Variants in ZNF69 observed in about 807,000 individuals in gnomAD.
The protein encoded by ZNF69 is ZNF3.
ZNF69 carries 47 observed loss-of-function variants against 50.9 expected under a neutral mutation model. That is an observed-to-expected ratio of 0.92 (90% CI 0.73 to 1.18). The LOEUF is 1.18. Ranked by LOEUF, ZNF69 falls within the 50% of genes most tolerant of loss-of-function variation. ZNF69 has a pLI of 0.00. For missense variants in ZNF69, 717 were observed against 675.1 expected (o/e 1.06, Z -0.69); for synonymous variants, 216 against 223.1 (o/e 0.97, Z 0.29).
At chr19:11,938,170 A>T in the ZNF69 span, among the ~76,000 whole-genome samples, 1 of 151,538 alleles carries the variant, frequency 6.6e-6, no homozygotes, top group African/African-American at 2.4e-5. Flanking sequence ...CCAGGTTCAA[A>T]TGATTCTCCT....
At chr19:11,908,304 G>A (rs1219488964), downstream of ZNF69, among the ~76,000 whole-genome samples, 1 of 152,188 alleles carries the variant, frequency 6.6e-6, no homozygotes, top group Non-Finnish European at 1.5e-5. Flanking sequence ...ATTGAACTCA[G>A]CTCTGCACCA....
chr19:11,976,926 C>A, the ZNF69 span: 5 of 1,552,590 alleles, frequency 3.2e-6, no homozygotes, highest in Non-Finnish European at 4.3e-6. Context: ...GATGTGATGA[C>A]CAAAGCAGGG....
rs1972296819 is a variant in ZNF69 at position 11,903,636 on chromosome 19, A to G, written c.127A>G (p.Ile43Val). The G allele has an allele frequency of 1.9e-6, 3 of 1,614,064 alleles. No individual in the cohort carries two copies. The highest frequency in any genetic ancestry group is 1.1e-5 in the South Asian group (1 of 91,080). ...CCAGGAGGAGTGGGCTTTGCTGGAT[A>G]TTTCCCAGAGGAAACTCTACAAGGA... ...FTQEEWALLD[I>V]SQRKLYKEVM... is the part of the protein sequence containing the mutation. Residue 43 changes from isoleucine to valine, a missense_variant, in exon 2 of 4, where the codon ATT becomes GTT. Physicochemically the swap from Ile to Val is conservative, Grantham distance 29 (BLOSUM62 3). Transcript: ENST00000429654.
chr19:11,977,257 A>G, the ZNF69 span: 1 of 1,604,242 alleles, frequency 6.2e-7, no homozygotes. Context: ...ATAGACAGGA[A>G]ATACTTTGAT....
chr19:11,979,741 A>T, the ZNF69 span: 1 of 1,590,550 alleles, frequency 6.3e-7, no homozygotes, highest in South Asian at 1.1e-5. Context: ...AAGCCTTCAG[A>T]TCTGCCCCAC....
chr19:11,960,038 C>CTT, the ZNF69 span, among the ~76,000 whole-genome samples: 11 of 132,188 alleles, frequency 8.3e-5, no homozygotes, highest in African/African-American at 2.4e-4. Flanking sequence ...TTTTTTTTTT[C>CTT]TTTTTTTTTT....
chr19:11,961,259 CAT>C, the ZNF69 span, among the ~76,000 whole-genome samples: 1 of 152,172 alleles, frequency 6.6e-6, no homozygotes, highest in Non-Finnish European at 1.5e-5. Flanking sequence ...GTCTCTCCAA[CAT>C]GTGAGGACAA....
chr19:11,971,658 A>G, the ZNF69 span, among the ~76,000 whole-genome samples: 1 of 152,168 alleles, frequency 6.6e-6, no homozygotes, highest in Non-Finnish European at 1.5e-5. Flanking sequence ...GACACATGAC[A>G]TTTTTCCATT....
At chr19:11,891,445 AAAAG>A (rs972362969) in intron 1 of ZNF69, among the ~76,000 whole-genome samples, 4 of 151,478 alleles carry the variant, frequency 2.6e-5, no homozygotes, top group Non-Finnish European at 5.9e-5. Context: ...GGAAGGAAGA[AAAAG>A]GAAGGAAGGA....
chr19:11,901,096 A>G (rs73003916), intron 1 of ZNF69, among the ~76,000 whole-genome samples: 1,929 of 152,054 alleles, frequency 0.013, 21 homozygotes, highest in South Asian at 0.025. Flanking sequence ...TTACTTTATT[A>G]TGGAGACAGG....
At chr19:11,974,586 T>C in the ZNF69 span, among the ~76,000 whole-genome samples, 1 of 145,566 alleles carries the variant, frequency 6.9e-6, no homozygotes, top group African/African-American at 2.6e-5. Context: ...GGAGGTATAG[T>C]TGGAAATATT....
rs898166223 is a variant in ZNF69, at chr19:11,905,366, A to C, written c.969A>C (p.Glu323Asp). ...FTCPQYVRIH[E>D]RTHSRKKPYE... Reference sequence around the variant, plus strand: ...GTCCCCAGTATGTTCGTATACATGAAAGGACCCACTCTAGGAAAAAACCCT... The same window carrying C: ...GTCCCCAGTATGTTCGTATACATGACAGGACCCACTCTAGGAAAAAACCCT... Residue 323 changes from glutamate to aspartate, a missense_variant, in exon 4 of 4, where the codon GAA becomes GAC. By Grantham distance (45) the Glu-to-Asp change is conservative. Transcript: ENST00000429654. 6.2e-7 allele frequency: 1 copy of C among 1,614,160 alleles called. No homozygotes were observed. The highest frequency in any genetic ancestry group is 8.5e-7 in the Non-Finnish European group (1 of 1,180,026).
chr19:11,892,135 ATT>A (rs4071659), intron 1 of ZNF69, among the ~76,000 whole-genome samples: 196 of 113,912 alleles, frequency 1.7e-3, no homozygotes, highest in African/African-American at 5.8e-3. Context: ...CTCCTGGCTG[ATT>A]TTTTTTTTTT....
At chr19:11,907,142 G>T (rs1202911256), downstream of ZNF69, among the ~76,000 whole-genome samples, 2 of 152,106 alleles carry the variant, frequency 1.3e-5, no homozygotes, top group Non-Finnish European at 2.9e-5. Flanking sequence ...AGAGTAAAAA[G>T]AAATGAAAAA....
the ZNF69 span, chr19:11,965,067 C>T: frequency 2.8e-6 from 3 of 1,060,972 alleles, no homozygotes; most frequent in African/African-American, 1.6e-5. Flanking sequence ...CTTGCGCAGC[C>T]GGTGGTTGAT....
chr19:11,978,649 C>T, the ZNF69 span: 10 of 1,614,008 alleles, frequency 6.2e-6, no homozygotes, highest in Non-Finnish European at 8.5e-6. Flanking sequence ...TATTCTGCTA[C>T]CCATCGAATA....
the ZNF69 span, among the ~76,000 whole-genome samples, chr19:11,937,924 G>A: frequency 6.6e-6 from 1 of 152,164 alleles, no homozygotes; most frequent in African/African-American, 2.4e-5. Flanking sequence ...AATTGCAGAT[G>A]TGTGAGAAAT....
intron 1 of ZNF69, among the ~76,000 whole-genome samples, chr19:11,901,685 T>C (rs1388284121): frequency 1.3e-5 from 2 of 151,932 alleles, no homozygotes; most frequent in African/African-American, 4.8e-5. Flanking sequence ...ATTTCCACCA[T>C]GTTGGCCAGA....
intron 1 of ZNF69, among the ~76,000 whole-genome samples, chr19:11,897,695 T>TC (rs1358806266): frequency 2.0e-5 from 3 of 149,766 alleles, no homozygotes; most frequent in Admixed American, 2.0e-4. Context: ...ACATGGTGAA[T>TC]CCCCGCCTCT....
Sources: gnomAD v4.1 joint callset for allele counts (sites outside exome capture counted in the v4.1 genomes callset) on GRCh38, gnomAD v4.1.1 for gene constraint, MANE v1.5 for transcripts, NCBI Gene and HGNC (gene_info 2026-07-23, HGNC 2026-07-21) for gene names.